Variants in LRRK2 observed in about 807,000 individuals in gnomAD.
The protein encoded by LRRK2 is leucine rich repeat kinase 2.
LRRK2 carries 203 observed loss-of-function variants against 302.6 expected under a neutral mutation model. The ratio of observed to expected loss-of-function variants is 0.67; its 90% CI spans 0.60 to 0.75. The LOEUF is 0.75. Ranked by LOEUF, LRRK2 falls within the 30% of genes least tolerant of loss-of-function variation. The pLI, the probability that LRRK2 is intolerant of heterozygous loss-of-function variation, is 0.00. For synonymous variants in LRRK2, 1,066 were observed against 1,031.9 expected (o/e 1.03, Z -0.63); for missense variants, 2,830 against 2,951.0 (o/e 0.96, Z 0.95).
intron 3 of LRRK2, among the ~76,000 whole-genome samples, chr12:40,233,100 C>G (rs1941278980): frequency 6.6e-6 from 1 of 152,048 alleles, no homozygotes; most frequent in African/African-American, 2.4e-5. Context: ...ACTGAGGAGG[C>G]TGAGGAAGGA....
chr12:40,287,239 A>T, intron 19 of LRRK2, 112 bp from the exon 20 acceptor site: 2 of 949,474 alleles, frequency 2.1e-6, no homozygotes, highest in East Asian at 2.6e-5. Flanking sequence ...TTGAAAGGAA[A>T]AATAGAAATA....
At chr12:40,269,985 T>TG (rs1943167460) in intron 14 of LRRK2, among the ~76,000 whole-genome samples, 1 of 152,156 alleles carries the variant, frequency 6.6e-6, no homozygotes, top group Non-Finnish European at 1.5e-5. Context: ...AATCTAACAC[T>TG]ACTACCTACA....
intron 13 of LRRK2, among the ~76,000 whole-genome samples, chr12:40,263,335 G>GA (rs1212734235): frequency 3.9e-5 from 6 of 152,074 alleles, no homozygotes; most frequent in Non-Finnish European, 7.4e-5. Flanking sequence ...CCTTAATACT[G>GA]AAACTCAAAT....
intron 40 of LRRK2, among the ~76,000 whole-genome samples, chr12:40,336,628 G>A (rs1259762518): frequency 1.3e-5 from 2 of 152,198 alleles, no homozygotes; most frequent in African/African-American, 2.4e-5. Flanking sequence ...GAAATGCTAT[G>A]AATATGCCTT....
intron 27 of LRRK2, among the ~76,000 whole-genome samples, 163 bp from the exon 28 acceptor site, chr12:40,305,622 T>G (rs1447666824): frequency 1.3e-5 from 2 of 152,194 alleles, no homozygotes; most frequent in South Asian, 2.1e-4. Flanking sequence ...AAACACATAC[T>G]GACAACTTAT....
chr12:40,249,894 C>T lies in LRRK2; in HGVS notation c.907C>T (p.Pro303Ser). 6.2e-7 allele frequency: 1 copy of T among 1,613,806 alleles called. No individual in the cohort carries two copies. The highest frequency in any genetic ancestry group is 2.2e-5 in the East Asian group (1 of 44,860). The change falls in exon 8 of 51, where the codon CCA (proline) becomes TCA (serine). Residue 303 changes from proline (P) to serine (S), a missense_variant. By Grantham distance (74) the Pro-to-Ser change is moderately conservative (BLOSUM62 -1). Around this residue, in one of 3 missense-constraint regions of LRRK2, gnomAD observed 2,121 missense variants for 2,148.0 expected, o/e 0.99. Coordinates refer to ENST00000298910, the MANE Select transcript of LRRK2 (RefSeq NM_198578.4). ...TGTGGTGAAAGCTGTGCAGCAGTACCCAGAGAATGCAGCATTGCAGATCTC... is the reference window on the plus strand; with the variant it reads ...TGTGGTGAAAGCTGTGCAGCAGTACTCAGAGAATGCAGCATTGCAGATCTC... ...EFVVKAVQQY[P>S]ENAALQISAL... is the part of the protein sequence containing the mutation.
chr12:40,240,438 A>G (rs1459770627), intron 5 of LRRK2, 45 bp from the exon 6 acceptor site: 3 of 1,567,098 alleles, frequency 1.9e-6, no homozygotes, highest in East Asian at 2.2e-5. Context: ...TTAAACTTTC[A>G]TATCATCTTT....
chr12:40,342,968 C>G (rs541143678), intron 41 of LRRK2, among the ~76,000 whole-genome samples: 74 of 152,132 alleles, frequency 4.9e-4, no homozygotes, highest in Non-Finnish European at 9.7e-4. Context: ...TTAGGACCCT[C>G]TGACATATGT....
chr12:40,243,455 C>T, intron 6 of LRRK2, 95 bp from the exon 7 acceptor site: 1 of 1,356,340 alleles, frequency 7.4e-7, no homozygotes, highest in Non-Finnish European at 1.0e-6. Context: ...CATTATGCTG[C>T]CATCTATTTA....
chr12:40,313,838 T>G (rs1455225766), intron 31 of LRRK2, 134 bp from the exon 32 acceptor site: 1 of 679,864 alleles, frequency 1.5e-6, no homozygotes. Flanking sequence ...TTATTATATT[T>G]TGATTTTATT....
chr12:40,352,832 A>G (rs987372520), intron 44 of LRRK2, among the ~76,000 whole-genome samples: 3 of 152,236 alleles, frequency 2.0e-5, no homozygotes, highest in South Asian at 2.1e-4. Flanking sequence ...TTAGTACAGA[A>G]CAAAATGGAG....
intron 21 of LRRK2, 71 bp from the exon 22 acceptor site, chr12:40,294,774 T>C (rs995817957): frequency 1.6e-5 from 14 of 890,800 alleles, no homozygotes; most frequent in Non-Finnish European, 2.3e-5. Context: ...AATTTCATGG[T>C]TCCTTCCTTA....
chr12:40,304,224 C>A, intron 27 of LRRK2, 90 bp downstream of exon 27: 1 of 1,255,222 alleles, frequency 8.0e-7, no homozygotes, highest in Non-Finnish European at 1.1e-6. Flanking sequence ...TTCTAAATAC[C>A]AATTTCATGA....
chr12:40,263,734 C>T (rs1362431624), intron 13 of LRRK2, 55 bp from the exon 14 acceptor site: 6 of 1,246,810 alleles, frequency 4.8e-6, no homozygotes, highest in African/African-American at 4.5e-5. Context: ...ACAGTCTGTT[C>T]AACTCAAATG....
At position 40,225,046 on chromosome 12, in the gene LRRK2, G is replaced by C. The variant is rs1027013700; in HGVS notation, c.-86G>C. On this transcript the variant is annotated 5_prime_UTR_variant, in exon 1 of 51. Coordinates refer to ENST00000298910, the MANE Select transcript of LRRK2 (RefSeq NM_198578.4). ...CGGGCGGTGAGCTGAGCTCGCCCCC[G>C]GGGAGCTGTGGCCGGCGCCCCTGCC... 5 of 1,566,454 alleles carry C rather than the reference G, an allele frequency of 3.2e-6. No individual in the cohort carries two copies. In the African/African-American group the frequency reaches 6.8e-5, roughly 21 times the overall value.
intron 13 of LRRK2, among the ~76,000 whole-genome samples, chr12:40,260,634 T>C (rs1396056187): frequency 2.0e-5 from 3 of 152,064 alleles, no homozygotes; most frequent in East Asian, 1.9e-4. Flanking sequence ...GTTTGCAGAT[T>C]GTAGTGTCAC....
In LRRK2 at chr12:40,295,786, C is replaced by T. The variant is rs11175922; in HGVS notation, c.3096+142C>T. The T allele has an allele frequency of 0.45, 326,666 of 732,104 alleles. 75,294 individuals are homozygous for T. Among genetic ancestry groups the T allele is most frequent in the South Asian group, 0.54 (30,458 of 55,968 alleles). The allele number at this position is 732,104 out of a possible 1,614,324, so 45.4% of individuals were successfully genotyped here. ...AAGTCCCCCGTGCCTCTGGTTTTTG[C>T]ACACATATCTTAGTCTGTGTGATGT... On this transcript the variant is annotated intron_variant, in intron 23 of 50. Coordinates refer to ENST00000298910, the MANE Select transcript of LRRK2 (RefSeq NM_198578.4).
intron 19 of LRRK2, among the ~76,000 whole-genome samples, chr12:40,284,335 A>T (rs1230689690): frequency 6.6e-6 from 1 of 151,196 alleles, no homozygotes; most frequent in Non-Finnish European, 1.5e-5. Flanking sequence ...ATAGTTATTT[A>T]TAAAAATAGA....
At chr12:40,226,884 C>T (rs1940917616) in intron 2 of LRRK2, among the ~76,000 whole-genome samples, 1 of 152,088 alleles carries the variant, frequency 6.6e-6, no homozygotes. Context: ...TGATTCTGGC[C>T]ACCTTCATTC....
Sources: allele counts gnomAD v4.1 joint callset (sites outside exome capture counted in the v4.1 genomes callset), GRCh38; gene constraint gnomAD v4.1.1; regional missense constraint gnomAD v4.1.1; transcripts MANE v1.5; gene names NCBI Gene and HGNC (gene_info 2026-07-23, HGNC 2026-07-21).